Variants in USH2A observed in about 807,000 individuals in gnomAD.
USH2A encodes the protein Usher syndrome 2A (autosomal recessive, mild).
USH2A carries 443 observed loss-of-function variants against 538.9 expected under a neutral mutation model. The observed-to-expected ratio is 0.82, with a 90% confidence interval of 0.76 to 0.89. USH2A has a LOEUF of 0.89. USH2A is among the 40% of genes least tolerant of loss of function. The pLI, the probability that USH2A is intolerant of heterozygous loss-of-function variation, is 0.00. For missense variants in USH2A, 6,633 were observed against 6,324.8 expected (o/e 1.05, Z -1.65); for synonymous variants, 2,413 against 2,273.5 (o/e 1.06, Z -1.75).
At chr1:216,420,645 G>A (rs939683982) in intron 2 of USH2A, among the ~76,000 whole-genome samples, 4 of 152,108 alleles carry the variant, frequency 2.6e-5, no homozygotes, top group African/African-American at 4.8e-5. Context: ...TACAAGCTCA[G>A]AAGGATATTT....
intron 9 of USH2A, among the ~76,000 whole-genome samples, chr1:216,294,071 G>A (rs909985201): frequency 3.3e-5 from 5 of 152,114 alleles, no homozygotes; most frequent in Admixed American, 1.3e-4. Flanking sequence ...TTATGTAATA[G>A]GTCTGTTATG....
At chr1:215,734,618 AT>A (rs1262237399) in intron 60 of USH2A, among the ~76,000 whole-genome samples, 1 of 152,014 alleles carries the variant, frequency 6.6e-6, no homozygotes, top group Non-Finnish European at 1.5e-5. Flanking sequence ...CCCATATCTG[AT>A]TGTAGGCTGT....
intron 50 of USH2A, among the ~76,000 whole-genome samples, chr1:215,791,071 ATTTAG>A (rs1661969710): frequency 6.6e-6 from 1 of 152,164 alleles, no homozygotes; most frequent in African/African-American, 2.4e-5. Flanking sequence ...CTCCCACCAA[ATTTAG>A]TTTAATTACC....
At chr1:216,060,263 C>T (rs1008463548) in intron 30 of USH2A, among the ~76,000 whole-genome samples, 3 of 152,110 alleles carry the variant, frequency 2.0e-5, no homozygotes, top group African/African-American at 7.2e-5. Context: ...GTGAGTGACC[C>T]CCAAATCTGC....
chr1:215,630,516 ATATATATATAT>A (rs1202678674), intron 70 of USH2A, among the ~76,000 whole-genome samples: 9 of 101,490 alleles, frequency 8.9e-5, no homozygotes, highest in South Asian at 3.0e-4. Flanking sequence ...ATATATATAT[ATATATATATAT>A]GAGAGAGAGA....
intron 3 of USH2A, among the ~76,000 whole-genome samples, chr1:216,410,182 TA>T (rs999020571): frequency 2.6e-5 from 4 of 151,712 alleles, no homozygotes; most frequent in African/African-American, 9.7e-5. Context: ...TGTCTGTTAT[TA>T]AAAAGTCAAG....
At chr1:216,267,535 A>G (rs1558353516) in intron 11 of USH2A, among the ~76,000 whole-genome samples, 1 of 152,068 alleles carries the variant, frequency 6.6e-6, no homozygotes, top group Non-Finnish European at 1.5e-5. Flanking sequence ...GAGCACAGAG[A>G]CACACATTAA....
chr1:215,786,207 A>G (rs904953302), intron 52 of USH2A, among the ~76,000 whole-genome samples: 12 of 152,222 alleles, frequency 7.9e-5, no homozygotes. Flanking sequence ...GGAGATGACC[A>G]GCCATCTTGG....
intron 3 of USH2A, among the ~76,000 whole-genome samples, chr1:216,416,198 A>C (rs968960861): frequency 6.6e-6 from 1 of 152,124 alleles, no homozygotes; most frequent in African/African-American, 2.4e-5. Flanking sequence ...ATTTTTATAA[A>C]TTTCATAATA....
In USH2A at chr1:215,759,820, T is replaced by C. The variant is rs1260253875; in HGVS notation, c.11071A>G (p.Ile3691Val). ...TCCACTGTTGTAGAATTGATGATAA[T>C]GTGTCGAGGTGTCACCCAAACTCCT... ...PEGVWVTPRH[I>V]IINSTTVELY... is the part of the protein sequence containing the mutation. The change falls in exon 57 of 72, where the codon ATT becomes GTT. Residue 3691 changes from isoleucine to valine, a missense_variant. Ile to Val is a conservative substitution (Grantham distance 29, BLOSUM62 3). Coordinates refer to ENST00000307340, the MANE Select transcript of USH2A (RefSeq NM_206933.4). 1.2e-6 allele frequency: 2 copies of C among 1,614,008 alleles called. No individual in the cohort carries two copies. Among genetic ancestry groups the C allele is most frequent in the Non-Finnish European group, 1.7e-6 (2 of 1,179,896 alleles).
At chr1:215,902,842 G>A (rs1282524984) in intron 38 of USH2A, among the ~76,000 whole-genome samples, 1 of 152,098 alleles carries the variant, frequency 6.6e-6, no homozygotes, top group Non-Finnish European at 1.5e-5. Flanking sequence ...GGAACAGTGT[G>A]GCTAACACGG....
In USH2A at chr1:216,414,094, C is replaced by T. The variant is rs867129476; in HGVS notation, c.651+4420G>A. Among the ~76,000 whole-genome samples the T allele has an allele frequency of 4.6e-5, 7 of 152,228 alleles. No homozygotes were observed. In the East Asian group the frequency reaches 1.3e-3, roughly 29 times the overall value. On this transcript the variant is annotated intron_variant, in intron 3 of 71. Transcript: ENST00000307340. Reference sequence around the variant, plus strand: ...GTAACCAAAGGAAATCTTATAACTACAGCATGTGCTGATTTAATATGAAAA... The same window carrying T: ...GTAACCAAAGGAAATCTTATAACTATAGCATGTGCTGATTTAATATGAAAA...
intron 67 of USH2A, among the ~76,000 whole-genome samples, chr1:215,645,451 T>C (rs1656815647): frequency 6.6e-6 from 1 of 152,344 alleles, no homozygotes; most frequent in Non-Finnish European, 1.5e-5. Flanking sequence ...TCATAGTCTA[T>C]ATGAATGGCA....
chr1:216,263,669 C>A (rs143111525), intron 11 of USH2A, among the ~76,000 whole-genome samples: 14 of 152,116 alleles, frequency 9.2e-5, no homozygotes, highest in Admixed American at 3.3e-4. Flanking sequence ...TCTTATTAAA[C>A]GGAGAAAAGG....
chr1:215,973,401 C>A lies in USH2A; in HGVS notation c.6806-2625G>T, dbSNP rs114047053. ...CCTTCTAGTAAGTTCTACACACTTA[C>A]CTGTCTTCTCACACAGAATATAATG... is the stretch of plus-strand genomic sequence containing the variant. On this transcript the variant is annotated intron_variant, in intron 35 of 71. Transcript: ENST00000307340. Among the ~76,000 whole-genome samples, 59 of 152,202 alleles carry A rather than the reference C, an allele frequency of 3.9e-4. 1 individual carries two copies. The South Asian group carries it at 0.011, about 29-fold the overall frequency.
chr1:215,836,526 T>TAA (rs1553267750), intron 47 of USH2A, among the ~76,000 whole-genome samples: 1 of 26,492 alleles, frequency 3.8e-5, no homozygotes. Context: ...ATAATATATA[T>TAA]TATATATATA....
chr1:216,332,399 G>T (rs1205024839), intron 4 of USH2A, among the ~76,000 whole-genome samples: 4 of 152,112 alleles, frequency 2.6e-5, no homozygotes, highest in South Asian at 2.1e-4. Context: ...AAAAGGAGAA[G>T]ATGTGAAACA....
At chr1:216,029,211 C>T (rs1669035982) in intron 32 of USH2A, among the ~76,000 whole-genome samples, 1 of 151,942 alleles carries the variant, frequency 6.6e-6, no homozygotes, top group Non-Finnish European at 1.5e-5. Flanking sequence ...CAGTTTTCTC[C>T]TAGGAATTTA....
chr1:215,848,537 T>G (rs1558126159), intron 44 of USH2A, among the ~76,000 whole-genome samples: 2 of 152,188 alleles, frequency 1.3e-5, no homozygotes, highest in Non-Finnish European at 1.5e-5. Context: ...ATGTCCTTTC[T>G]TAGCCATGCA....
Sources: gnomAD v4.1 joint callset for allele counts (sites outside exome capture counted in the v4.1 genomes callset) on GRCh38, gnomAD v4.1.1 for gene constraint, MANE v1.5 for transcripts, NCBI Gene and HGNC (gene_info 2026-07-23, HGNC 2026-07-21) for gene names.